The following CHD7 variants were observed in gnomAD, a reference collection of about 807,000 sequenced individuals.
The protein encoded by CHD7 is ATP-dependent chromatin remodeler CHD7.
In CHD7, 24 loss-of-function variants were observed where a neutral mutation model predicts 307.3. The observed-to-expected ratio is 0.08, with a 90% CI of 0.06 to 0.11. The LOEUF is 0.11. CHD7 is among the 10% of genes least tolerant of loss of function. The pLI, the probability that CHD7 is intolerant of heterozygous loss-of-function variation, is 1.00. For synonymous variants in CHD7, 1,363 were observed against 1,349.9 expected (o/e 1.01, Z -0.21); for missense variants, 3,106 against 3,727.1 (o/e 0.83, Z 4.34).
At chr8:60,798,991 A>ATTATTTAATTTAATTTAAAT (rs1812164282) in intron 4 of CHD7, among the ~76,000 whole-genome samples, 1 of 152,212 alleles carries the variant, frequency 6.6e-6, no homozygotes, top group South Asian at 2.1e-4. Context: ...TATAGCTATT[A>ATTATTTAATTTAATTTAAAT]ATAATCTGTT....
chr8:60,739,844 G>A (rs1808903686), intron 1 of CHD7, among the ~76,000 whole-genome samples: 1 of 152,160 alleles, frequency 6.6e-6, no homozygotes. Context: ...ATGGAAGGGT[G>A]TCAGTAGAAT....
chr8:60,732,867 A>G lies in CHD7; in HGVS notation c.-174-8392A>G, dbSNP rs532599690. Among the ~76,000 whole-genome samples the G allele has an allele frequency of 3.3e-5, 5 of 152,200 alleles. No individual in the cohort carries two copies. In the East Asian group the frequency reaches 9.6e-4, roughly 29 times the overall value. On this transcript the variant is annotated intron_variant, in intron 1 of 37. Coordinates refer to ENST00000423902, the MANE Select transcript of CHD7 (RefSeq NM_017780.4). ...AAAATAAATTACTTAAAAAGTTTTC[A>G]TTTACTTATTTCTAGACCTGTCTCT...
intron 25 of CHD7, 48 bp downstream of exon 25, chr8:60,849,202 TTTA>T: frequency 8.2e-7 from 1 of 1,216,212 alleles, no homozygotes; most frequent in East Asian, 2.4e-5. Flanking sequence ...TGGCTTGGTC[TTTA>T]TTTAGAACTC....
intron 31 of CHD7, 36 bp from the exon 32 acceptor site, chr8:60,854,327 G>A (rs1181362135): frequency 6.3e-7 from 1 of 1,594,470 alleles, no homozygotes; most frequent in Admixed American, 1.7e-5. Context: ...CCCTGATACT[G>A]TGGTTGTGAG....
intron 2 of CHD7, among the ~76,000 whole-genome samples, chr8:60,761,347 TG>T (rs1445926565): frequency 1.5e-5 from 1 of 64,632 alleles, no homozygotes; most frequent in Admixed American, 2.5e-4. Context: ...TGTTGTGGGG[TG>T]GGGGGAGGGG....
chr8:60,854,127 C>G (rs537572200), intron 31 of CHD7, among the ~76,000 whole-genome samples: 5 of 152,272 alleles, frequency 3.3e-5, no homozygotes, highest in Non-Finnish European at 7.4e-5. Flanking sequence ...TGCTAGGTGG[C>G]TAGTGACTAA....
intron 1 of CHD7, among the ~76,000 whole-genome samples, chr8:60,732,688 C>T (rs1188611442): frequency 6.6e-6 from 1 of 152,226 alleles, no homozygotes; most frequent in South Asian, 2.1e-4. Flanking sequence ...CTGGGCTTTA[C>T]AAAACCCAGG....
At chr8:60,842,294 A>G (rs1451524988) in intron 21 of CHD7, among the ~76,000 whole-genome samples, 1 of 152,240 alleles carries the variant, frequency 6.6e-6, no homozygotes, top group East Asian at 1.9e-4. Flanking sequence ...ACCTTAAGGA[A>G]TTATGCCAGA....
intron 1 of CHD7, among the ~76,000 whole-genome samples, chr8:60,703,523 C>T (rs538383016): frequency 4.5e-4 from 69 of 152,302 alleles, no homozygotes; most frequent in African/African-American, 1.6e-3. Flanking sequence ...CTCCCCCCAC[C>T]ACCCAACTGA....
chr8:60,849,660 T>C (rs1256193049), intron 25 of CHD7, among the ~76,000 whole-genome samples: 1 of 152,188 alleles, frequency 6.6e-6, no homozygotes, highest in Admixed American at 6.5e-5. Flanking sequence ...GCATGATATA[T>C]ACAGTGAGCG....
intron 13 of CHD7, chr8:60,825,144 G>GT (rs1429619460): frequency 2.6e-5 from 4 of 152,072 alleles, no homozygotes; most frequent in South Asian, 2.1e-4. Context: ...GAGAAGGAGT[G>GT]TTCTGTATAT....
Position 60,843,314 on chromosome 8 carries a change from G to A in CHD7, c.4850+1262G>A, listed in dbSNP as rs140566852. Among the ~76,000 whole-genome samples, 332 of 152,266 alleles carry A rather than the reference G, an allele frequency of 2.2e-3. 1 individual carries two copies. Among genetic ancestry groups the A allele is most frequent in the African/African-American group, 6.9e-3 (288 of 41,550 alleles). ...CCCTGCGTCCCAAAAGCCCTGCCCC[G>A]CAAAAGCCCTTTGCTACCCATGCCT... is the stretch of plus-strand genomic sequence containing the variant. On this transcript the variant is annotated intron_variant, in intron 21 of 37. Coordinates refer to ENST00000423902, the MANE Select transcript of CHD7 (RefSeq NM_017780.4).
At chr8:60,791,977 A>T (rs151229247) in intron 3 of CHD7, among the ~76,000 whole-genome samples, 1 of 152,338 alleles carries the variant, frequency 6.6e-6, no homozygotes, top group East Asian at 1.9e-4. Context: ...TTCCAGACTC[A>T]GCTGCTTGTT....
intron 1 of CHD7, among the ~76,000 whole-genome samples, chr8:60,693,427 C>A (rs1255393875): frequency 2.0e-5 from 3 of 152,256 alleles, no homozygotes; most frequent in Non-Finnish European, 2.9e-5. Context: ...GGTCCCCCCT[C>A]CAGCTCTGCT....
At chr8:60,738,520 A>G (rs1341846218) in intron 1 of CHD7, among the ~76,000 whole-genome samples, 1 of 152,230 alleles carries the variant, frequency 6.6e-6, no homozygotes, top group Non-Finnish European at 1.5e-5. Context: ...AATATCTTTT[A>G]TAGAAACACA....
rs573312536 is a variant in CHD7, at chr8:60,693,785, T to C, written c.-175+14703T>C. Among the ~76,000 whole-genome samples the C allele has an allele frequency of 9.8e-5, 15 of 152,376 alleles. No individual in the cohort carries two copies. In the East Asian group the frequency reaches 2.7e-3, roughly 27 times the overall value. On this transcript the variant is annotated intron_variant, in intron 1 of 37. Transcript: ENST00000423902. Reference sequence around the variant, plus strand: ...GCTTTTGTAGGTTAACACAACAATGTCAATAGTATAATGTTATATCCGAGG... The same window carrying C: ...GCTTTTGTAGGTTAACACAACAATGCCAATAGTATAATGTTATATCCGAGG...
At position 60,741,836 on chromosome 8, in the gene CHD7, G is replaced by A; in HGVS notation, c.404G>A (p.Gly135Glu). 1.2e-6 allele frequency: 2 copies of A among 1,613,900 alleles called. No individual in the cohort carries two copies. The highest frequency in any genetic ancestry group is 1.7e-6 in the Non-Finnish European group (2 of 1,179,846). The change falls in exon 2 of 38, where the codon GGG becomes GAG. Residue 135 changes from glycine (G) to glutamate (E), a missense_variant. This residue lies in a region of CHD7 where 998 missense variants were observed against 1,004.5 expected (regional missense o/e 0.99). Coordinates refer to ENST00000423902, the MANE Select transcript of CHD7 (RefSeq NM_017780.4). ...CCTGGCATGCAGAATGAGAGGCATG[G>A]GCAATCCTTTGTGGACAGCAGCTCC... ...VYPGMQNERH[G>E]QSFVDSSSMW...
At chr8:60,738,040 G>C (rs1034466564) in intron 1 of CHD7, among the ~76,000 whole-genome samples, 1 of 152,174 alleles carries the variant, frequency 6.6e-6, no homozygotes, top group African/African-American at 2.4e-5. Flanking sequence ...AATGCAACTT[G>C]AATGTTTATT....
chr8:60,863,178 A>G (rs1806084110), intron 37 of CHD7: 1 of 152,782 alleles, frequency 6.5e-6, no homozygotes, highest in Non-Finnish European at 1.5e-5. Flanking sequence ...GAGTTTGTGA[A>G]CTGACACCGT....
Sources: gnomAD v4.1 joint callset for allele counts (sites outside exome capture counted in the v4.1 genomes callset) on GRCh38, gnomAD v4.1.1 for gene constraint, gnomAD v4.1.1 regional missense constraint, MANE v1.5 for transcripts, NCBI Gene and HGNC (gene_info 2026-07-23, HGNC 2026-07-21) for gene names.